Variants in PTPRG observed in about 807,000 individuals in gnomAD.
PTPRG encodes receptor-type tyrosine-protein phosphatase gamma.
Under a neutral mutation model 165.3 loss-of-function variants are expected in PTPRG, and 102 were observed. The observed-to-expected ratio is 0.62, with a 90% CI of 0.53 to 0.73. The LOEUF is 0.73. PTPRG is among the 30% of genes least tolerant of loss of function. The pLI is 0.00. For missense variants in PTPRG, 1,866 were observed against 1,861.4 expected (o/e 1.00, Z -0.05); for synonymous variants, 675 against 669.5 (o/e 1.01, Z -0.13).
At chr3:62,036,631 C>A (rs1205400466) in intron 4 of PTPRG, among the ~76,000 whole-genome samples, 1 of 152,112 alleles carries the variant, frequency 6.6e-6, no homozygotes, top group Non-Finnish European at 1.5e-5. Flanking sequence ...TGAATCAGTT[C>A]TAATGGTACA....
intron 2 of PTPRG, among the ~76,000 whole-genome samples, chr3:61,816,763 G>C (rs2035775011): frequency 6.6e-6 from 1 of 151,698 alleles, no homozygotes; most frequent in African/African-American, 2.4e-5. Flanking sequence ...AAGTTTGGTT[G>C]AGTATGATTG....
chr3:61,766,682 T>C (rs2034027317), intron 2 of PTPRG, among the ~76,000 whole-genome samples: 1 of 151,980 alleles, frequency 6.6e-6, no homozygotes, highest in Non-Finnish European at 1.5e-5. Flanking sequence ...GGTGTCATAA[T>C]CTCTGGTCAC....
At chr3:61,659,556 C>A in intron 1 of PTPRG, 1 of 694,408 alleles carries the variant, frequency 1.4e-6, no homozygotes, top group Non-Finnish European at 1.8e-6. Flanking sequence ...AAGATAAACA[C>A]TTTCTTGGTA....
intron 14 of PTPRG, among the ~76,000 whole-genome samples, chr3:62,235,223 G>T (rs1438349665): frequency 6.6e-6 from 1 of 152,196 alleles, no homozygotes; most frequent in East Asian, 1.9e-4. Flanking sequence ...AAATCAGTGG[G>T]ATATTGTGTC....
At chr3:62,179,877 G>T (rs988578018) in intron 8 of PTPRG, among the ~76,000 whole-genome samples, 1 of 152,140 alleles carries the variant, frequency 6.6e-6, no homozygotes, top group African/African-American at 2.4e-5. Context: ...AAATGAGGTT[G>T]GAACCCAAAC....
At chr3:61,781,569 C>T (rs1183533902) in intron 2 of PTPRG, among the ~76,000 whole-genome samples, 3 of 152,116 alleles carry the variant, frequency 2.0e-5, no homozygotes, top group Non-Finnish European at 4.4e-5. Flanking sequence ...CTACATGAGG[C>T]AAAATCACAG....
At chr3:61,707,591 G>A (rs2031328009) in intron 1 of PTPRG, among the ~76,000 whole-genome samples, 1 of 152,174 alleles carries the variant, frequency 6.6e-6, no homozygotes. Flanking sequence ...CAGCTGATTA[G>A]GTGATCCCAC....
At chr3:62,095,773 C>T (rs1008186996) in intron 5 of PTPRG, among the ~76,000 whole-genome samples, 1 of 152,114 alleles carries the variant, frequency 6.6e-6, no homozygotes, top group Non-Finnish European at 1.5e-5. Context: ...TCAAGAAAGG[C>T]TCTCTGGGAG....
chr3:61,645,593 T>G (rs1702177568), intron 1 of PTPRG, among the ~76,000 whole-genome samples: 1 of 152,230 alleles, frequency 6.6e-6, no homozygotes, highest in Admixed American at 6.5e-5. Flanking sequence ...CCTCGTTGCC[T>G]TAACGGGGCT....
intron 5 of PTPRG, among the ~76,000 whole-genome samples, chr3:62,121,280 A>T (rs1487288505): frequency 6.6e-6 from 1 of 151,910 alleles, no homozygotes; most frequent in Non-Finnish European, 1.5e-5. Flanking sequence ...AGGATCTTGG[A>T]TGTGTTAGGA....
Position 61,871,133 on chromosome 3 carries a change from G to GTTA in PTPRG, c.191-118491_191-118490insTAT, listed in dbSNP as rs1559660066. On this transcript the variant is annotated intron_variant, in intron 2 of 29. Transcript: ENST00000474889. ...CTGTTATGTTATGTTATGTTATGTTGTGTTGTGTTGTGTTGTGTTGTGTTG... is the reference window on the plus strand; with the variant it reads ...CTGTTATGTTATGTTATGTTATGTTGTTATGTTGTGTTGTGTTGTGTTGTGTTG... Among the ~76,000 whole-genome samples, 587 of 115,256 alleles carry GTTA rather than the reference G, an allele frequency of 5.1e-3. 2 individuals carry two copies. Among genetic ancestry groups the GTTA allele is most frequent in the Middle Eastern group, 0.022 (5 of 228 alleles). 75.6% of individuals were successfully genotyped at this position (115,256 alleles called of 152,430 possible). A position where few individuals can be genotyped will look rare whatever the true frequency, so the allele number is the denominator to read the frequency against.
Position 61,867,967 on chromosome 3 carries a change from G to A in PTPRG, c.190+118985G>A, listed in dbSNP as rs188773546. ...CTTACCTTTCTCTAGGGCACCCAGG[G>A]CATGAGAAGGTGGTGGTGTTCCTTA... On this transcript the variant is annotated intron_variant, in intron 2 of 29. Coordinates refer to ENST00000474889, the MANE Select transcript of PTPRG (RefSeq NM_002841.4). 2.0e-3 allele frequency among the ~76,000 whole-genome samples: 306 copies of A among 152,228 alleles called. 1 individual carries two copies. Among genetic ancestry groups the A allele is most frequent in the Middle Eastern group, 3.4e-3 (1 of 294 alleles).
intron 4 of PTPRG, among the ~76,000 whole-genome samples, chr3:62,071,093 C>G (rs1477462830): frequency 6.6e-6 from 1 of 152,102 alleles, no homozygotes; most frequent in Non-Finnish European, 1.5e-5. Flanking sequence ...TTTTCTGTAG[C>G]TTTTGCCTGT....
intron 13 of PTPRG, among the ~76,000 whole-genome samples, chr3:62,226,223 C>A (rs767140608): frequency 6.6e-6 from 1 of 152,194 alleles, no homozygotes; most frequent in African/African-American, 2.4e-5. Flanking sequence ...GAGTAGCATG[C>A]CTGGTGGCAT....
chr3:61,799,934 T>C (rs1169528823), intron 2 of PTPRG, among the ~76,000 whole-genome samples: 1 of 152,108 alleles, frequency 6.6e-6, no homozygotes. Flanking sequence ...CAGTTAAGAG[T>C]ATGGACACTA....
chr3:61,887,124 A>ATGGT (rs2038063294), intron 2 of PTPRG, among the ~76,000 whole-genome samples: 1 of 5,016 alleles, frequency 2.0e-4, no homozygotes. Flanking sequence ...CATAGCATGC[A>ATGGT]TATATATATA....
At chr3:62,074,352 C>CTTTTTTTTTTTTTTTTT (rs200189646) in intron 4 of PTPRG, among the ~76,000 whole-genome samples, 13 of 109,110 alleles carry the variant, frequency 1.2e-4, no homozygotes, top group South Asian at 3.0e-4. Context: ...TCTTTTCTTT[C>CTTTTTTTTTTTTTTTTT]TTTTTTTTTT....
chr3:61,860,697 G>C (rs989330506), intron 2 of PTPRG, among the ~76,000 whole-genome samples: 1 of 152,020 alleles, frequency 6.6e-6, no homozygotes. Flanking sequence ...ACCCGCCTCA[G>C]CCTCCCAAAG....
chr3:61,645,372 T>C (rs1702172030), intron 1 of PTPRG, among the ~76,000 whole-genome samples: 1 of 152,246 alleles, frequency 6.6e-6, no homozygotes, highest in African/African-American at 2.4e-5. Context: ...TGATAGATGA[T>C]TCCTGGTGGG....
Sources: gnomAD v4.1 joint callset for allele counts (sites outside exome capture counted in the v4.1 genomes callset) on GRCh38, gnomAD v4.1.1 for gene constraint, MANE v1.5 for transcripts, NCBI Gene and HGNC (gene_info 2026-07-23, HGNC 2026-07-21) for gene names.